The following PM20D2 variants were observed in gnomAD, a reference collection of about 807,000 sequenced individuals.
PM20D2 encodes xaa-Arg dipeptidase.
PM20D2 carries 33 observed loss-of-function variants against 42.9 expected under a neutral mutation model. The observed-to-expected ratio is 0.77, with a 90% CI of 0.58 to 1.03. PM20D2 has a LOEUF of 1.03. Among genes scored for constraint, PM20D2 ranks in the 50% least tolerant of loss-of-function variants. The pLI is 0.00. For missense variants in PM20D2, 548 were observed against 557.0 expected, an observed-to-expected ratio of 0.98 and a Z score of 0.16; for synonymous variants, 250 against 228.2, an observed-to-expected ratio of 1.10 and a Z score of -0.86.
At chr6:89,105,422 C>T in the PM20D2 span, 2 of 1,596,060 alleles carry the variant, frequency 1.3e-6, no homozygotes, top group Non-Finnish European at 1.7e-6. Context: ...TTCAGTCACA[C>T]TTACTTTTGC....
the PM20D2 span, among the ~76,000 whole-genome samples, chr6:89,130,043 T>G: frequency 1.8e-5 from 2 of 111,486 alleles, no homozygotes; most frequent in Admixed American, 1.7e-4. Context: ...GCTCTTCTCT[T>G]CTAAATTAAA....
the PM20D2 span, among the ~76,000 whole-genome samples, chr6:89,099,668 TG>T: frequency 6.6e-6 from 1 of 151,840 alleles, no homozygotes. Context: ...CCAGAGTAGC[TG>T]GGATTACAGG....
the PM20D2 span, among the ~76,000 whole-genome samples, chr6:89,095,789 CA>C: frequency 1.3e-5 from 2 of 152,168 alleles, no homozygotes; most frequent in African/African-American, 4.8e-5. Flanking sequence ...ATTATTTGTG[CA>C]TTATTCCTGG....
chr6:89,154,785 T>C lies in PM20D2; in HGVS notation c.795T>C (p.Ile265=). The change falls in exon 4 of 7, where the codon ATT becomes ATC. Residue 265 remains isoleucine, a synonymous_variant. Coordinates refer to ENST00000275072, the MANE Select transcript of PM20D2 (RefSeq NM_001010853.3). The part of the protein sequence containing the change: ...IKNGGVKPNI[I]PSYSELIYYF... ...ATGGTGGTGTAAAACCCAATATCAT[T>C]CCCTCTTATTCTGAATTAATCTATT... The C allele has an allele frequency of 1.9e-6, 3 of 1,576,784 alleles. No individual in the cohort carries two copies. The highest frequency in any genetic ancestry group is 2.6e-6 in the Non-Finnish European group (3 of 1,162,306).
At chr6:89,121,687 T>A in the PM20D2 span, among the ~76,000 whole-genome samples, 1 of 152,208 alleles carries the variant, frequency 6.6e-6, no homozygotes, top group Admixed American at 6.5e-5. Flanking sequence ...TGCCTGAGGA[T>A]TCCCAAGGAG....
chr6:89,105,682 CTT>C, the PM20D2 span: 5 of 511,728 alleles, frequency 9.8e-6, no homozygotes, highest in Admixed American at 3.8e-5. Context: ...AGAAAAAAAA[CTT>C]TCACTTTTTC....
chr6:89,098,936 C>T, the PM20D2 span: 4 of 1,612,930 alleles, frequency 2.5e-6, no homozygotes, highest in Non-Finnish European at 3.4e-6. Context: ...AGAAAATCGC[C>T]TGTGTCGAGA....
chr6:89,159,370 A>G (rs1471045253), intron 5 of PM20D2, among the ~76,000 whole-genome samples: 1 of 152,174 alleles, frequency 6.6e-6, no homozygotes, highest in Non-Finnish European at 1.5e-5. Context: ...TACAGAAGAG[A>G]AGGAGGCATA....
the PM20D2 span, among the ~76,000 whole-genome samples, chr6:89,099,557 C>G: frequency 7.7e-6 from 1 of 129,066 alleles, no homozygotes; most frequent in Non-Finnish European, 1.6e-5. Context: ...TTTTTTGAGA[C>G]GGAGTTTCGC....
chr6:89,125,651 C>T, the PM20D2 span, among the ~76,000 whole-genome samples: 31 of 151,846 alleles, frequency 2.0e-4, no homozygotes, highest in South Asian at 8.3e-4. Context: ...GGCGTGGTGG[C>T]GGGTGCCTGT....
the PM20D2 span, among the ~76,000 whole-genome samples, chr6:89,126,668 T>TTAA: frequency 9.6e-6 from 1 of 104,660 alleles, no homozygotes; most frequent in Non-Finnish European, 1.9e-5. Context: ...AGACTCCATC[T>TTAA]AAAAAAAAAA....
chr6:89,120,837 C>T, the PM20D2 span, among the ~76,000 whole-genome samples: 3 of 152,122 alleles, frequency 2.0e-5, no homozygotes, highest in Non-Finnish European at 4.4e-5. Flanking sequence ...TGTGCCAGTG[C>T]ACTGCATTCC....
chr6:89,117,830 C>T, the PM20D2 span: 1 of 1,557,632 alleles, frequency 6.4e-7, no homozygotes, highest in Non-Finnish European at 8.7e-7. Flanking sequence ...CACCTGGTGG[C>T]GTCCGCGACG....
At position 89,164,922 on chromosome 6, in the gene PM20D2, T is replaced by TAAAAAAAAAAA. The variant is rs57998485; in HGVS notation, c.*2669_*2679dup. The TAAAAAAAAAAA allele has an allele frequency of 9.3e-6, 1 of 107,728 alleles. No homozygotes were observed. The highest frequency in any genetic ancestry group is 3.4e-5 in the African/African-American group (1 of 29,660). The allele number at this position is 107,728 out of a possible 1,614,324, so 6.7% of individuals were successfully genotyped here. A position where few individuals can be genotyped will look rare whatever the true frequency, so the allele number is the denominator to read the frequency against. ...TAAAATTGATGAGTTTCTGTGCCTG[T>TAAAAAAAAAAA]AAAAAAAAAAAAAAAAAAAAGAAAA... is the stretch of plus-strand genomic sequence containing the variant. On this transcript the variant is annotated 3_prime_UTR_variant, in exon 7 of 7. Transcript: ENST00000275072.
intron 1 of PM20D2, among the ~76,000 whole-genome samples, chr6:89,149,036 TA>T (rs1434640006): frequency 6.6e-6 from 1 of 152,238 alleles, no homozygotes; most frequent in Non-Finnish European, 1.5e-5. Flanking sequence ...AAAAGCTTTT[TA>T]TAGTGTCTTT....
At chr6:89,108,745 C>T in the PM20D2 span, among the ~76,000 whole-genome samples, 285 of 152,222 alleles carry the variant, frequency 1.9e-3, 3 homozygotes, top group African/African-American at 6.2e-3. Flanking sequence ...GATGGTAGAA[C>T]ACTGATAAGA....
At chr6:89,130,037 T>C in the PM20D2 span, among the ~76,000 whole-genome samples, 1 of 133,824 alleles carries the variant, frequency 7.5e-6, no homozygotes, top group African/African-American at 2.7e-5. Context: ...TGCCTGGCTC[T>C]TCTCTTCTAA....
chr6:89,158,750 G>T (rs1378780463), intron 5 of PM20D2, among the ~76,000 whole-genome samples: 2 of 152,140 alleles, frequency 1.3e-5, no homozygotes, highest in Non-Finnish European at 2.9e-5. Flanking sequence ...AAGTTGCTAA[G>T]GTGGGATATA....
At chr6:89,095,637 CT>C in the PM20D2 span, among the ~76,000 whole-genome samples, 1 of 152,218 alleles carries the variant, frequency 6.6e-6, no homozygotes, top group African/African-American at 2.4e-5. Context: ...CTCAAGTAAA[CT>C]TTACAAATAA....
Sources: allele counts gnomAD v4.1 joint callset (sites outside exome capture counted in the v4.1 genomes callset), GRCh38; gene constraint gnomAD v4.1.1; transcripts MANE v1.5; gene names NCBI Gene and HGNC (gene_info 2026-07-23, HGNC 2026-07-21).